The following PRRT1B variants were observed in gnomAD, a reference collection of about 807,000 sequenced individuals.
The protein encoded by PRRT1B is proline rich transmembrane protein 1B.
At chr9:131,549,267 C>T (rs1950995125) in intron 1 of PRRT1B, among the ~76,000 whole-genome samples, 1 of 152,160 alleles carries the variant, frequency 6.6e-6, no homozygotes, top group African/African-American at 2.4e-5. Flanking sequence ...GAGATAAACC[C>T]CAACCACATC....
chr9:131,554,305 G>A (rs1951031305), intron 1 of PRRT1B, among the ~76,000 whole-genome samples: 2 of 147,332 alleles, frequency 1.4e-5, no homozygotes, highest in Non-Finnish European at 3.0e-5. Flanking sequence ...ATCTGCCAAG[G>A]AAAGGGGGTG....
chr9:131,554,959 T>A, exon 2 of PRRT1B: 1 of 388,016 alleles, frequency 2.6e-6, no homozygotes, highest in Non-Finnish European at 4.5e-6. Flanking sequence ...CCCGCCCAGC[T>A]CTACCCAGCC....
At chr9:131,559,126 A>T (rs1318841172), downstream of PRRT1B, among the ~76,000 whole-genome samples, 6 of 152,234 alleles carry the variant, frequency 3.9e-5, no homozygotes, top group Non-Finnish European at 8.8e-5. Flanking sequence ...CCCAAGAATG[A>T]ACCTGCATTT....
At chr9:131,559,318 C>T (rs1455408354), downstream of PRRT1B, among the ~76,000 whole-genome samples, 1 of 152,224 alleles carries the variant, frequency 6.6e-6, no homozygotes, top group Admixed American at 6.5e-5. Context: ...TGGCAGGCGC[C>T]TGTAATCCTA....
chr9:131,555,809 G>T (rs1450684157), intron 2 of PRRT1B, among the ~76,000 whole-genome samples: 1 of 152,194 alleles, frequency 6.6e-6, no homozygotes, highest in African/African-American at 2.4e-5. Context: ...ACAGAGGCTG[G>T]ACCCTCGACT....
chr9:131,558,481 A>T, exon 4 of PRRT1B: 1 of 310,538 alleles, frequency 3.2e-6, no homozygotes, highest in South Asian at 1.6e-4. Context: ...AGCCCACCAG[A>T]GCCCCATTTC....
chr9:131,556,693 G>A (rs951472302), intron 3 of PRRT1B, among the ~76,000 whole-genome samples: 1 of 151,402 alleles, frequency 6.6e-6, no homozygotes, highest in Admixed American at 6.6e-5. Flanking sequence ...GTGCAATGGC[G>A]TGATCTCGGC....
At chr9:131,553,979 C>G (rs1951028826) in intron 1 of PRRT1B, among the ~76,000 whole-genome samples, 2 of 152,172 alleles carry the variant, frequency 1.3e-5, no homozygotes, top group Non-Finnish European at 2.9e-5. Flanking sequence ...GCTCTGAGCC[C>G]TGGCTTCAAG....
downstream of PRRT1B, among the ~76,000 whole-genome samples, chr9:131,559,165 C>T (rs939938799): frequency 6.6e-6 from 1 of 152,178 alleles, no homozygotes; most frequent in African/African-American, 2.4e-5. Context: ...TTGCAGAGGC[C>T]AGGCGAGGTG....
intron 1 of PRRT1B, among the ~76,000 whole-genome samples, chr9:131,552,654 T>TTG (rs1554791545): frequency 3.4e-5 from 5 of 149,198 alleles, no homozygotes; most frequent in African/African-American, 1.2e-4. Flanking sequence ...ACATGCAGTT[T>TTG]GGGGGGGAGC....
At chr9:131,553,356 A>G (rs1405486339) in intron 1 of PRRT1B, among the ~76,000 whole-genome samples, 2 of 152,370 alleles carry the variant, frequency 1.3e-5, no homozygotes, top group East Asian at 1.9e-4. Flanking sequence ...ATGTTTGTCA[A>G]TGTGCCATTG....
chr9:131,548,572 A>C (rs918900419), intron 1 of PRRT1B, among the ~76,000 whole-genome samples: 1 of 152,146 alleles, frequency 6.6e-6, no homozygotes, highest in Admixed American at 6.6e-5. Context: ...TCTTTTACAC[A>C]TCGGTCCCTC....
chr9:131,546,765 G>A (rs1950978247), intron 1 of PRRT1B, among the ~76,000 whole-genome samples: 1 of 152,088 alleles, frequency 6.6e-6, no homozygotes, highest in South Asian at 2.1e-4. Context: ...CGAGGCCCCC[G>A]CCAGGCAGCG....
chr9:131,545,708 C>T, intron 1 of PRRT1B, 68 bp downstream of exon 1: 1 of 351,696 alleles, frequency 2.8e-6, no homozygotes, highest in Non-Finnish European at 4.6e-6. Context: ...CAGGTACTGG[C>T]GAGGCAGGTA....
intron 2 of PRRT1B, among the ~76,000 whole-genome samples, chr9:131,555,414 A>G (rs1230937617): frequency 6.6e-6 from 1 of 152,092 alleles, no homozygotes; most frequent in Non-Finnish European, 1.5e-5. Context: ...GGTGCCTCAT[A>G]CCTGTAATCC....
intron 3 of PRRT1B, among the ~76,000 whole-genome samples, chr9:131,556,954 CCATCCATCCAT>C (rs916595055): frequency 1.2e-4 from 19 of 152,112 alleles, no homozygotes; most frequent in East Asian, 5.8e-4. Flanking sequence ...TCTCTAGCCT[CCATCCATCCAT>C]CATCCATCCA....
At position 131,548,904 on chromosome 9, in the gene PRRT1B, G is replaced by T. The variant is rs184903541; in HGVS notation, c.25+3264G>T. Among the ~76,000 whole-genome samples the T allele has an allele frequency of 2.6e-5, 4 of 152,250 alleles. No individual in the cohort carries two copies. The East Asian group carries it at 7.7e-4, about 29-fold the overall frequency. On this transcript the variant is annotated intron_variant, in intron 1 of 3. Coordinates refer to ENST00000636672, the Ensembl canonical transcript of PRRT1B. ...TCTTAAAAAGGTGGCTGGAGCTAAA[G>T]GCATAGTCAAGGTTAATGCTCCCTT...
intron 2 of PRRT1B, among the ~76,000 whole-genome samples, chr9:131,555,261 G>T (rs1951041554): frequency 6.6e-6 from 1 of 152,272 alleles, no homozygotes; most frequent in South Asian, 2.1e-4. Context: ...GAGGGGCCGA[G>T]ACTGGGCGTT....
intron 1 of PRRT1B, among the ~76,000 whole-genome samples, chr9:131,549,586 C>T (rs1156379464): frequency 6.6e-6 from 1 of 152,204 alleles, no homozygotes; most frequent in Non-Finnish European, 1.5e-5. Flanking sequence ...CCTCAGAAGC[C>T]CCCTAGACCA....
Sources: gnomAD v4.1 joint callset for allele counts (sites outside exome capture counted in the v4.1 genomes callset) on GRCh38, gnomAD v4.1.1 for gene constraint, MANE v1.5 for transcripts, NCBI Gene and HGNC (gene_info 2026-07-23, HGNC 2026-07-21) for gene names.